Variants in GRK5 observed in about 807,000 individuals in gnomAD.
GRK5 encodes the protein G protein-coupled receptor kinase 5.
A neutral mutation model predicts 78.4 loss-of-function variants in GRK5; 40 were observed. That is an observed-to-expected ratio of 0.51 (90% CI 0.40 to 0.66). The LOEUF is 0.66. GRK5 is among the 30% of genes least tolerant of loss of function. The pLI is 0.00. For missense variants in GRK5, 598 were observed against 759.9 expected (o/e 0.79, Z 2.50); for synonymous variants, 289 against 296.8 (o/e 0.97, Z 0.27).
chr10:119,276,322 T>G (rs896972728), intron 1 of GRK5, among the ~76,000 whole-genome samples: 9 of 151,570 alleles, frequency 5.9e-5, no homozygotes, highest in African/African-American at 2.2e-4. Flanking sequence ...CATTGTTCAA[T>G]TCCCACCTAT....
intron 1 of GRK5, among the ~76,000 whole-genome samples, chr10:119,229,554 G>C (rs1301717661): frequency 6.6e-6 from 1 of 152,218 alleles, no homozygotes; most frequent in Non-Finnish European, 1.5e-5. Context: ...AAGACCTCCT[G>C]GGTGTGTAAT....
Position 119,326,497 on chromosome 10 carries a change from T to G in GRK5, c.53-19T>G. Reference sequence around the variant, plus strand: ...GGCTCTGGAGCCTCAGCCAGGCATCTTTTTCCCCATCTCTGCAGGGGGCGG... The same window carrying G: ...GGCTCTGGAGCCTCAGCCAGGCATCGTTTTCCCCATCTCTGCAGGGGGCGG... On this transcript the variant is annotated intron_variant, in intron 1 of 15. Transcript: ENST00000392870. 6.3e-7 allele frequency: 1 copy of G among 1,596,192 alleles called. No homozygotes were observed. Among genetic ancestry groups the G allele is most frequent in the Non-Finnish European group, 8.6e-7 (1 of 1,164,556 alleles).
intron 1 of GRK5, among the ~76,000 whole-genome samples, chr10:119,227,225 T>C (rs35390036): frequency 0.56 from 84,448 of 151,904 alleles, 26,185 homozygotes; most frequent in East Asian, 0.78. Context: ...ATAAAAAATG[T>C]AAATAAGATG....
At position 119,227,966 on chromosome 10, in the gene GRK5, TA is replaced by T. The variant is rs1488091730; in HGVS notation, c.52+19999del. Among the ~76,000 whole-genome samples the T allele has an allele frequency of 7.2e-5, 11 of 152,276 alleles. No individual in the cohort carries two copies. In the East Asian group the frequency reaches 2.1e-3, roughly 29 times the overall value. On this transcript the variant is annotated intron_variant, in intron 1 of 15. Transcript: ENST00000392870. ...AAGTTCCACGTCTAAGATTTTATCT[TA>T]AGGAAAAATTAGCGTACCAATGACG...
intron 2 of GRK5, among the ~76,000 whole-genome samples, chr10:119,358,770 C>T (rs545226282): frequency 2.6e-5 from 4 of 152,274 alleles, no homozygotes; most frequent in South Asian, 2.1e-4. Flanking sequence ...ACAGAGTGGG[C>T]GGCTTAGACA....
intron 2 of GRK5, among the ~76,000 whole-genome samples, chr10:119,360,753 CCCT>C (rs1279329266): frequency 6.6e-6 from 1 of 152,196 alleles, no homozygotes; most frequent in African/African-American, 2.4e-5. Flanking sequence ...CCTCCCTCCT[CCCT>C]CCTCCTCTTC....
chr10:119,354,395 C>T (rs1210357017), intron 2 of GRK5, among the ~76,000 whole-genome samples: 1 of 87,808 alleles, frequency 1.1e-5, no homozygotes, highest in Non-Finnish European at 2.1e-5. Flanking sequence ...CCTACATCTC[C>T]TTTTTTTTTT....
chr10:119,277,486 T>C (rs73450560), intron 1 of GRK5, among the ~76,000 whole-genome samples: 223 of 152,220 alleles, frequency 1.5e-3, no homozygotes, highest in African/African-American at 4.9e-3. Context: ...CCTCTTCTGC[T>C]CTCTGCGACA....
At chr10:119,388,677 A>G (rs906596214) in intron 3 of GRK5, among the ~76,000 whole-genome samples, 1 of 152,248 alleles carries the variant, frequency 6.6e-6, no homozygotes, top group African/African-American at 2.4e-5. Context: ...TTGAAACAAC[A>G]GTCAACCTTT....
intron 1 of GRK5, among the ~76,000 whole-genome samples, chr10:119,279,098 T>G (rs1216804214): frequency 2.6e-5 from 4 of 152,156 alleles, no homozygotes; most frequent in Non-Finnish European, 5.9e-5. Context: ...GCCAGGATGG[T>G]CTCGATCTCC....
chr10:119,349,885 C>T (rs779536208), intron 2 of GRK5, among the ~76,000 whole-genome samples: 5 of 152,228 alleles, frequency 3.3e-5, no homozygotes, highest in African/African-American at 4.8e-5. Flanking sequence ...GCTATTGCTG[C>T]GAGTGTGCCT....
intron 1 of GRK5, 47 bp from the exon 2 acceptor site, chr10:119,326,469 G>A (rs376334654): frequency 4.3e-5 from 65 of 1,507,094 alleles, no homozygotes; most frequent in Non-Finnish European, 5.3e-5. Context: ...CGGGGACGCC[G>A]CAGGCTCTGG....
At position 119,253,887 on chromosome 10, in the gene GRK5, C is replaced by T. The variant is rs117052055; in HGVS notation, c.52+45918C>T. Among the ~76,000 whole-genome samples the T allele has an allele frequency of 0.016, 2,483 of 151,720 alleles. 28 individuals carry two copies. Among genetic ancestry groups the T allele is most frequent in the Middle Eastern group, 0.034 (10 of 294 alleles). ...GTGTGTGTGTGTACACATGTGTGTG[C>T]GTGCATGCTTTTTCATGAGGCACAC... On this transcript the variant is annotated intron_variant, in intron 1 of 15. Transcript: ENST00000392870. The surrounding 1 kb of genome is among the most constrained non-coding windows in gnomAD (Gnocchi z 5.7).
chr10:119,362,189 G>T (rs1851375971), intron 2 of GRK5, among the ~76,000 whole-genome samples: 1 of 152,222 alleles, frequency 6.6e-6, no homozygotes, highest in African/African-American at 2.4e-5. Flanking sequence ...ATAGCCTGGG[G>T]TCAAAGATTG....
chr10:119,293,042 A>G (rs1850012384), intron 1 of GRK5, among the ~76,000 whole-genome samples: 1 of 152,202 alleles, frequency 6.6e-6, no homozygotes, highest in African/African-American at 2.4e-5. Context: ...CTCCTGTCAT[A>G]TTCTGGAGCC....
chr10:119,235,191 C>T (rs1848904804), intron 1 of GRK5, among the ~76,000 whole-genome samples: 1 of 151,664 alleles, frequency 6.6e-6, no homozygotes, highest in Non-Finnish European at 1.5e-5. Context: ...ACCATGTTGC[C>T]CAGGCTGGGA....
chr10:119,374,960 G>A (rs1163984942), intron 2 of GRK5, among the ~76,000 whole-genome samples: 2 of 152,144 alleles, frequency 1.3e-5, no homozygotes, highest in Non-Finnish European at 2.9e-5. Context: ...AGAACCATGA[G>A]CCAATTAAAC....
chr10:119,362,754 C>T (rs1025161014), intron 2 of GRK5, among the ~76,000 whole-genome samples: 4 of 152,140 alleles, frequency 2.6e-5, no homozygotes, highest in Admixed American at 2.6e-4. Flanking sequence ...TTATTATAGC[C>T]CCATGGGTCA....
intron 1 of GRK5, among the ~76,000 whole-genome samples, chr10:119,288,912 C>T (rs56229902): frequency 0.054 from 8,191 of 152,270 alleles, 430 homozygotes; most frequent in African/African-American, 0.13. Flanking sequence ...TTCTGTAAGC[C>T]AGGCTTTCCA....
Sources: allele counts gnomAD v4.1 joint callset (sites outside exome capture counted in the v4.1 genomes callset), GRCh38; gene constraint gnomAD v4.1.1; non-coding constraint Gnocchi (gnomAD v3.1); transcripts MANE v1.5; gene names NCBI Gene and HGNC (gene_info 2026-07-23, HGNC 2026-07-21).